OSBPL10: variants seen among roughly 807,000 people sequenced by gnomAD.
The protein encoded by OSBPL10 is oxysterol-binding protein-related protein 10.
Under a neutral mutation model 81.7 loss-of-function variants are expected in OSBPL10, and 49 were observed. That is an observed-to-expected ratio of 0.60 (90% CI 0.48 to 0.76). The LOEUF (loss-of-function observed/expected upper bound fraction) is 0.76, where lower values mean the gene tolerates loss of function less well. Ranked by LOEUF, OSBPL10 falls within the 30% of genes least tolerant of loss-of-function variation. The pLI is 0.00. For missense variants in OSBPL10, 923 were observed against 987.8 expected, an observed-to-expected ratio of 0.93 and a Z score of 0.88; for synonymous variants, 419 against 383.6, an observed-to-expected ratio of 1.09 and a Z score of -1.08.
At chr3:31,954,903 T>C (rs368511686) in intron 1 of OSBPL10, among the ~76,000 whole-genome samples, 3 of 152,248 alleles carry the variant, frequency 2.0e-5, no homozygotes, top group Admixed American at 6.5e-5. Flanking sequence ...ATGAGACAGA[T>C]GGACAGACAT....
chr3:31,851,460 G>A (rs1700762341), intron 3 of OSBPL10, among the ~76,000 whole-genome samples: 2 of 152,318 alleles, frequency 1.3e-5, no homozygotes, highest in Admixed American at 1.3e-4. Context: ...AGCGGGATGA[G>A]GGAGGAGGCG....
intron 11 of OSBPL10, chr3:31,662,512 C>A (rs777822952): frequency 1.8e-5 from 18 of 1,012,662 alleles, no homozygotes; most frequent in Non-Finnish European, 2.0e-5. Flanking sequence ...AGGGGAACAC[C>A]CAACAAAGGC....
At chr3:31,929,522 T>G (rs10780018) in intron 1 of OSBPL10, among the ~76,000 whole-genome samples, 2 of 151,476 alleles carry the variant, frequency 1.3e-5, no homozygotes, top group Non-Finnish European at 2.9e-5. Context: ...CCGAGGCAGG[T>G]GGATCACAAG....
intron 4 of OSBPL10, among the ~76,000 whole-genome samples, chr3:31,749,545 T>C (rs1161491934): frequency 6.6e-6 from 1 of 152,190 alleles, no homozygotes; most frequent in Non-Finnish European, 1.5e-5. Context: ...TTTTAGCTGC[T>C]TGCAGTGGCT....
intron 4 of OSBPL10, among the ~76,000 whole-genome samples, chr3:31,793,922 T>C (rs1699106412): frequency 1.3e-5 from 2 of 152,230 alleles, no homozygotes; most frequent in Non-Finnish European, 2.9e-5. Flanking sequence ...ACTCTTCACA[T>C]GTCATTGACA....
At chr3:31,827,453 G>A (rs367704588) in intron 4 of OSBPL10, among the ~76,000 whole-genome samples, 2 of 152,072 alleles carry the variant, frequency 1.3e-5, no homozygotes, top group Non-Finnish European at 2.9e-5. Context: ...TGGCTAACAC[G>A]GTGAAACCCC....
intron 4 of OSBPL10, among the ~76,000 whole-genome samples, chr3:31,759,529 G>C (rs1697972819): frequency 6.6e-6 from 1 of 152,146 alleles, no homozygotes; most frequent in Non-Finnish European, 1.5e-5. Flanking sequence ...ATACCAGAGA[G>C]AAGTTTTAAA....
At chr3:31,722,851 A>T (rs958480251) in intron 6 of OSBPL10, among the ~76,000 whole-genome samples, 1 of 152,170 alleles carries the variant, frequency 6.6e-6, no homozygotes, top group African/African-American at 2.4e-5. Flanking sequence ...TAAAGATTTG[A>T]TACTCTTACA....
intron 8 of OSBPL10, among the ~76,000 whole-genome samples, 176 bp downstream of exon 8, chr3:31,683,458 T>C (rs1575473212): frequency 6.6e-6 from 1 of 152,118 alleles, no homozygotes; most frequent in African/African-American, 2.4e-5. Flanking sequence ...GCTGGGAAAT[T>C]ACCAGACCTT....
At chr3:31,825,177 A>G (rs1220015492) in intron 4 of OSBPL10, among the ~76,000 whole-genome samples, 3 of 152,162 alleles carry the variant, frequency 2.0e-5, no homozygotes, top group Non-Finnish European at 4.4e-5. Context: ...AGGTGACATG[A>G]TAAAATGTTC....
intron 2 of OSBPL10, among the ~76,000 whole-genome samples, chr3:32,035,602 T>C (rs1699510273): frequency 6.8e-6 from 1 of 146,172 alleles, no homozygotes; most frequent in Admixed American, 6.9e-5. Context: ...TGTTAATTCA[T>C]AAAATAGGAT....
chr3:32,056,112 C>T (rs1181306678), intron 1 of OSBPL10, among the ~76,000 whole-genome samples: 1 of 152,130 alleles, frequency 6.6e-6, no homozygotes, highest in African/African-American at 2.4e-5. Flanking sequence ...TCATGATTTG[C>T]TTTTAATAAA....
chr3:31,937,989 G>A (rs7629879), intron 1 of OSBPL10, among the ~76,000 whole-genome samples: 25,168 of 151,866 alleles, frequency 0.17, 2,564 homozygotes, highest in South Asian at 0.27. Context: ...CTCCTTCTTG[G>A]TGTTACTGTC....
chr3:32,052,428 A>G (rs1353045751), intron 1 of OSBPL10, among the ~76,000 whole-genome samples: 1 of 152,160 alleles, frequency 6.6e-6, no homozygotes, highest in African/African-American at 2.4e-5. Context: ...CAGAAATACC[A>G]GTCGACCCAG....
intron 6 of OSBPL10, among the ~76,000 whole-genome samples, chr3:31,717,885 T>C (rs1428474571): frequency 6.6e-6 from 1 of 152,214 alleles, no homozygotes; most frequent in Non-Finnish European, 1.5e-5. Context: ...TCTCAAATGC[T>C]TCATTCAGTG....
At chr3:31,946,278 C>A (rs1697700730) in intron 1 of OSBPL10, among the ~76,000 whole-genome samples, 1 of 151,922 alleles carries the variant, frequency 6.6e-6, no homozygotes, top group South Asian at 2.1e-4. Flanking sequence ...CTGCACCCAG[C>A]CACTACTAAG....
intron 2 of OSBPL10, among the ~76,000 whole-genome samples, chr3:31,995,216 C>T (rs1699077958): frequency 6.6e-6 from 1 of 152,152 alleles, no homozygotes; most frequent in Admixed American, 6.5e-5. Flanking sequence ...CTCAAATTTA[C>T]CAGGCTGGGA....
At chr3:31,667,743 G>T (rs1206148469) in intron 10 of OSBPL10, among the ~76,000 whole-genome samples, 1 of 152,368 alleles carries the variant, frequency 6.6e-6, no homozygotes, top group Non-Finnish European at 1.5e-5. Context: ...CAGGAAGGCA[G>T]CCATAAGCCA....
intron 10 of OSBPL10, among the ~76,000 whole-genome samples, chr3:31,665,426 G>C (rs779343377): frequency 2.0e-5 from 3 of 152,174 alleles, no homozygotes; most frequent in African/African-American, 7.2e-5. Flanking sequence ...TATCTACAGC[G>C]GGTGTCCTTA....
Sources: gnomAD v4.1 joint callset for allele counts (sites outside exome capture counted in the v4.1 genomes callset) on GRCh38, gnomAD v4.1.1 for gene constraint, MANE v1.5 for transcripts, NCBI Gene and HGNC (gene_info 2026-07-23, HGNC 2026-07-21) for gene names.